Variants in CSMD1 observed in about 807,000 individuals in gnomAD.
CSMD1 encodes the protein CUB and sushi domain-containing protein 1.
CSMD1 carries 213 observed loss-of-function variants against 417.5 expected under a neutral mutation model. The observed-to-expected ratio is 0.51, with a 90% CI of 0.46 to 0.57. The LOEUF is 0.57. CSMD1 is among the 20% of genes least tolerant of loss of function. CSMD1 has a pLI of 0.00. For missense variants in CSMD1, 6,923 were observed against 4,529.7 expected, an observed-to-expected ratio of 1.53 and a Z score of -15.17; for synonymous variants, 2,862 against 1,736.8, an observed-to-expected ratio of 1.65 and a Z score of -16.11.
At chr8:4,957,797 G>A (rs562421902) in intron 1 of CSMD1, among the ~76,000 whole-genome samples, 2 of 152,266 alleles carry the variant, frequency 1.3e-5, no homozygotes, top group East Asian at 1.9e-4. Flanking sequence ...GACTAGGACA[G>A]GGGTGTACTA....
At chr8:3,684,590 TAC>T (rs1799845068) in intron 7 of CSMD1, among the ~76,000 whole-genome samples, 1 of 145,902 alleles carries the variant, frequency 6.9e-6, no homozygotes, top group Non-Finnish European at 1.5e-5. Context: ...CAGATACTGA[TAC>T]AGTCTTTTTT....
At chr8:3,965,544 G>C (rs1224821277) in intron 5 of CSMD1, among the ~76,000 whole-genome samples, 1 of 152,120 alleles carries the variant, frequency 6.6e-6, no homozygotes, top group African/African-American at 2.4e-5. Context: ...GAACAACTAG[G>C]TCAGGAAAGA....
chr8:3,273,693 C>T (rs982023267), intron 26 of CSMD1, among the ~76,000 whole-genome samples: 2 of 152,144 alleles, frequency 1.3e-5, no homozygotes, highest in African/African-American at 4.8e-5. Flanking sequence ...TTATCCATTT[C>T]TTCTAGATTT....
chr8:3,840,472 C>T (rs1448054518), intron 5 of CSMD1, among the ~76,000 whole-genome samples: 1 of 152,034 alleles, frequency 6.6e-6, no homozygotes, highest in Non-Finnish European at 1.5e-5. Context: ...ACATAATAGG[C>T]ATTCAATAAA....
At chr8:4,731,800 GT>G (rs1205973143) in intron 1 of CSMD1, among the ~76,000 whole-genome samples, 1 of 152,160 alleles carries the variant, frequency 6.6e-6, no homozygotes, top group Non-Finnish European at 1.5e-5. Context: ...TTTATTTAGG[GT>G]TGGGCGAACA....
intron 1 of CSMD1, among the ~76,000 whole-genome samples, chr8:4,690,968 C>G (rs1030044910): frequency 6.6e-6 from 1 of 152,282 alleles, no homozygotes; most frequent in South Asian, 2.1e-4. Context: ...AGCTCATGAT[C>G]TGCCTGCCGT....
chr8:3,846,430 C>A (rs560669262), intron 5 of CSMD1, among the ~76,000 whole-genome samples: 1 of 152,150 alleles, frequency 6.6e-6, no homozygotes, highest in Non-Finnish European at 1.5e-5. Context: ...TTAGCCCCAA[C>A]TGATCAAGAA....
At chr8:3,961,127 A>T (rs1344975691) in intron 5 of CSMD1, among the ~76,000 whole-genome samples, 1 of 152,172 alleles carries the variant, frequency 6.6e-6, no homozygotes, top group Admixed American at 6.5e-5. Flanking sequence ...TAAAAATTGC[A>T]TCTCTTCTTG....
intron 36 of CSMD1, among the ~76,000 whole-genome samples, chr8:3,184,423 A>G (rs1017267870): frequency 4.6e-5 from 7 of 152,208 alleles, no homozygotes; most frequent in Admixed American, 4.6e-4. Flanking sequence ...CTTAAAGGCA[A>G]TGAGCAGACC....
rs370939900 is a variant in CSMD1 at position 4,565,315 on chromosome 8, G to T, written c.302+72027C>A. 5.3e-5 allele frequency among the ~76,000 whole-genome samples: 8 copies of T among 152,296 alleles called. No individual in the cohort carries two copies. In the East Asian group the frequency reaches 9.7e-4, roughly 18 times the overall value. On this transcript the variant is annotated intron_variant, in intron 2 of 69. Transcript: ENST00000635120. ...CTGTAAATTTCTAAATCAGTCTTAG[G>T]CAGTGATGGCTAACCAGTCTGCCTA...
chr8:4,639,048 C>A (rs572516108), intron 1 of CSMD1, among the ~76,000 whole-genome samples: 1 of 152,228 alleles, frequency 6.6e-6, no homozygotes, highest in African/African-American at 2.4e-5. Flanking sequence ...ACCTGACCCA[C>A]CTATTCTATT....
intron 1 of CSMD1, among the ~76,000 whole-genome samples, chr8:4,693,231 T>C (rs75338254): frequency 0.036 from 5,475 of 152,304 alleles, 323 homozygotes; most frequent in African/African-American, 0.12. Context: ...GTGACGGCCA[T>C]GAGCAAGAAA....
chr8:3,554,665 T>C (rs1477338576), intron 10 of CSMD1, among the ~76,000 whole-genome samples: 1 of 152,210 alleles, frequency 6.6e-6, no homozygotes, highest in Admixed American at 6.5e-5. Context: ...CTTAGTTTTC[T>C]TGAGCTTGTT....
intron 3 of CSMD1, among the ~76,000 whole-genome samples, chr8:4,406,104 T>G (rs1230531056): frequency 3.3e-5 from 5 of 152,178 alleles, no homozygotes; most frequent in African/African-American, 1.2e-4. Context: ...CTAATTCATT[T>G]CACAGCGGAA....
chr8:4,474,666 G>C (rs571114052), intron 2 of CSMD1, among the ~76,000 whole-genome samples: 2 of 152,066 alleles, frequency 1.3e-5, no homozygotes, highest in African/African-American at 2.4e-5. Flanking sequence ...CACAGTTGAC[G>C]TTGAACAACA....
At chr8:4,835,246 G>A (rs1276736572) in intron 1 of CSMD1, among the ~76,000 whole-genome samples, 5 of 152,048 alleles carry the variant, frequency 3.3e-5, no homozygotes, top group Non-Finnish European at 7.4e-5. Context: ...TTGCAACAGT[G>A]GCAGTGGGGA....
intron 51 of CSMD1, among the ~76,000 whole-genome samples, chr8:3,022,844 T>G (rs1214082515): frequency 1.3e-5 from 2 of 151,926 alleles, no homozygotes; most frequent in Non-Finnish European, 2.9e-5. Flanking sequence ...TAGATCAGAG[T>G]CAGGAATTGT....
chr8:3,926,099 AC>A (rs1809685901), intron 5 of CSMD1, among the ~76,000 whole-genome samples: 3 of 82,730 alleles, frequency 3.6e-5, no homozygotes, highest in Non-Finnish European at 7.0e-5. Flanking sequence ...ACACACACAC[AC>A]ACACACACAC....
intron 1 of CSMD1, among the ~76,000 whole-genome samples, chr8:4,941,162 T>C (rs914174166): frequency 1.3e-5 from 2 of 152,202 alleles, no homozygotes; most frequent in African/African-American, 4.8e-5. Flanking sequence ...GATCACTCAA[T>C]AAATATTAAA....
Sources: gnomAD v4.1 joint callset for allele counts (sites outside exome capture counted in the v4.1 genomes callset) on GRCh38, gnomAD v4.1.1 for gene constraint, MANE v1.5 for transcripts, NCBI Gene and HGNC (gene_info 2026-07-23, HGNC 2026-07-21) for gene names.